The following SGCZ variants were observed in gnomAD, a reference collection of about 807,000 sequenced individuals.
SGCZ encodes the protein zeta-sarcoglycan.
Under a neutral mutation model 41.3 loss-of-function variants are expected in SGCZ, and 40 were observed. That is an observed-to-expected ratio of 0.97 (90% CI 0.75 to 1.26). SGCZ has a LOEUF of 1.26. Ranked by LOEUF, SGCZ falls within the 50% of genes most tolerant of loss-of-function variation. The pLI is 0.00. For synonymous variants in SGCZ, 206 were observed against 137.5 expected, an observed-to-expected ratio of 1.50 and a Z score of -3.49; for missense variants, 552 against 369.8, an observed-to-expected ratio of 1.49 and a Z score of -4.04.
At chr8:14,254,651 T>C (rs1799400276) in intron 3 of SGCZ, among the ~76,000 whole-genome samples, 1 of 152,232 alleles carries the variant, frequency 6.6e-6, no homozygotes, top group African/African-American at 2.4e-5. Context: ...ATTAACAAGA[T>C]AAAATATTTT....
chr8:14,769,446 A>C (rs570087203), intron 1 of SGCZ, among the ~76,000 whole-genome samples: 19 of 152,162 alleles, frequency 1.2e-4, no homozygotes, highest in South Asian at 2.1e-4. Flanking sequence ...TTGAAAGCAA[A>C]ATCTAATTTT....
chr8:14,895,878 A>G (rs1319088558), intron 1 of SGCZ, among the ~76,000 whole-genome samples: 1 of 152,192 alleles, frequency 6.6e-6, no homozygotes, highest in Non-Finnish European at 1.5e-5. Context: ...TAGAAATGGG[A>G]TATTTTATTT....
At chr8:14,389,970 CG>C (rs1348442685) in intron 2 of SGCZ, among the ~76,000 whole-genome samples, 11 of 151,800 alleles carry the variant, frequency 7.2e-5, no homozygotes, top group Admixed American at 6.6e-4. Flanking sequence ...GAAACGAAGA[CG>C]GGGGATTTTT....
chr8:14,670,813 C>A (rs11203658), intron 1 of SGCZ, among the ~76,000 whole-genome samples: 82,751 of 152,060 alleles, frequency 0.54, 24,061 homozygotes, highest in East Asian at 0.74. Context: ...GTGTTTAATT[C>A]CTTGTCTTAG....
chr8:15,123,683 G>A (rs1295986910), intron 1 of SGCZ, among the ~76,000 whole-genome samples: 1 of 152,146 alleles, frequency 6.6e-6, no homozygotes, highest in Admixed American at 6.5e-5. Flanking sequence ...TAAGTGATAA[G>A]TATGACACCA....
chr8:14,752,990 T>C (rs993104850), intron 1 of SGCZ, among the ~76,000 whole-genome samples: 1 of 152,154 alleles, frequency 6.6e-6, no homozygotes, highest in Admixed American at 6.5e-5. Flanking sequence ...TCTCAGCAAT[T>C]GGTCTGTTTT....
chr8:14,977,910 C>CACAT (rs1554531983), intron 1 of SGCZ, among the ~76,000 whole-genome samples: 10 of 147,840 alleles, frequency 6.8e-5, no homozygotes, highest in Non-Finnish European at 1.3e-4. Context: ...CACACACACA[C>CACAT]ATATATACAC....
intron 4 of SGCZ, among the ~76,000 whole-genome samples, chr8:14,194,011 T>G (rs1041067602): frequency 6.6e-6 from 1 of 151,828 alleles, no homozygotes; most frequent in Non-Finnish European, 1.5e-5. Context: ...CAAGTCAGCA[T>G]GATGGGACAA....
At chr8:14,239,195 A>G (rs940835285) in intron 3 of SGCZ, among the ~76,000 whole-genome samples, 3 of 151,920 alleles carry the variant, frequency 2.0e-5, no homozygotes, top group African/African-American at 7.2e-5. Context: ...CTTATACCCA[A>G]TAAGAATACT....
At chr8:14,767,068 T>A (rs34840857) in intron 1 of SGCZ, among the ~76,000 whole-genome samples, 41 of 141,444 alleles carry the variant, frequency 2.9e-4, no homozygotes, top group Non-Finnish European at 5.6e-4. Context: ...TCTGGTGTTT[T>A]ATTTTTACAT....
chr8:14,986,688 AC>A (rs747605503), intron 1 of SGCZ, among the ~76,000 whole-genome samples: 7 of 152,036 alleles, frequency 4.6e-5, no homozygotes, highest in Non-Finnish European at 4.4e-5. Flanking sequence ...CTAGGTTGAG[AC>A]CTAATTGGAG....
rs566433253 is a variant in SGCZ at position 14,135,600 on chromosome 8, T to G, written c.548-27365A>C. On this transcript the variant is annotated intron_variant, in intron 5 of 7. Coordinates refer to ENST00000382080, the MANE Select transcript of SGCZ (RefSeq NM_139167.4). ...CAAAATGCAAACTATTAAAACTCAA[T>G]CGACATGAAATAAACAATCTGAATA... 1.3e-3 allele frequency among the ~76,000 whole-genome samples: 198 copies of G among 152,260 alleles called. 1 individual carries two copies. Among genetic ancestry groups the G allele is most frequent in the African/African-American group, 4.6e-3 (190 of 41,552 alleles).
intron 1 of SGCZ, among the ~76,000 whole-genome samples, chr8:15,021,729 G>A (rs919560884): frequency 6.6e-6 from 1 of 152,106 alleles, no homozygotes; most frequent in African/African-American, 2.4e-5. Context: ...TTATCTTGAG[G>A]CCCTTCTTTC....
intron 1 of SGCZ, among the ~76,000 whole-genome samples, chr8:14,589,839 C>A (rs1192352473): frequency 6.6e-6 from 1 of 152,038 alleles, no homozygotes; most frequent in Non-Finnish European, 1.5e-5. Context: ...GAAATTAAGG[C>A]CAAGAAGAAA....
chr8:14,740,270 C>T (rs933109103), intron 1 of SGCZ, among the ~76,000 whole-genome samples: 2 of 151,934 alleles, frequency 1.3e-5, no homozygotes, highest in African/African-American at 2.4e-5. Flanking sequence ...CAGTTGGAAT[C>T]CTTCAACTTG....
At chr8:14,158,196 G>A (rs1013779842) in intron 5 of SGCZ, among the ~76,000 whole-genome samples, 1 of 151,746 alleles carries the variant, frequency 6.6e-6, no homozygotes, top group Non-Finnish European at 1.5e-5. Context: ...TTCATACTTT[G>A]TACAGTACAG....
chr8:14,939,298 T>G (rs1480843684), intron 1 of SGCZ, among the ~76,000 whole-genome samples: 1 of 152,152 alleles, frequency 6.6e-6, no homozygotes, highest in Non-Finnish European at 1.5e-5. Context: ...CCATTTATAC[T>G]GTAAGGATCT....
At chr8:14,808,861 A>G (rs955298290) in intron 1 of SGCZ, among the ~76,000 whole-genome samples, 1 of 151,872 alleles carries the variant, frequency 6.6e-6, no homozygotes, top group African/African-American at 2.4e-5. Flanking sequence ...CTGGATTAAG[A>G]AAATGTGGCA....
chr8:14,114,297 G>C (rs1160593141), intron 5 of SGCZ, among the ~76,000 whole-genome samples: 3 of 151,926 alleles, frequency 2.0e-5, no homozygotes, highest in Admixed American at 2.0e-4. Flanking sequence ...GTATCTCCTT[G>C]TTTAACACTT....
Sources: gnomAD v4.1 joint callset for allele counts (sites outside exome capture counted in the v4.1 genomes callset) on GRCh38, gnomAD v4.1.1 for gene constraint, MANE v1.5 for transcripts, NCBI Gene and HGNC (gene_info 2026-07-23, HGNC 2026-07-21) for gene names.